Variants in AHI1 observed in about 807,000 individuals in gnomAD.
AHI1 encodes the protein jouberin.
A neutral mutation model predicts 149.3 loss-of-function variants in AHI1; 123 were observed. The ratio of observed to expected loss-of-function variants is 0.82; its 90% CI spans 0.71 to 0.96. The LOEUF (loss-of-function observed/expected upper bound fraction) is 0.96, where lower values mean the gene tolerates loss of function less well. Ranked by LOEUF, AHI1 falls within the 40% of genes least tolerant of loss-of-function variation. AHI1 has a pLI of 0.00. For missense variants in AHI1, 1,439 were observed against 1,422.7 expected, an observed-to-expected ratio of 1.01 and a Z score of -0.18; for synonymous variants, 475 against 459.8, an observed-to-expected ratio of 1.03 and a Z score of -0.42.
At chr6:135,429,777 TG>T in intron 18 of AHI1, 104 bp downstream of exon 18, 1 of 643,884 alleles carries the variant, frequency 1.6e-6, no homozygotes, top group South Asian at 2.4e-5. Flanking sequence ...TTGGTGAGTG[TG>T]GGGACACTGC....
chr6:135,288,966 T>A (rs1419284230), intron 28 of AHI1, among the ~76,000 whole-genome samples: 4 of 152,054 alleles, frequency 2.6e-5, no homozygotes, highest in Non-Finnish European at 5.9e-5. Context: ...TAGGTATGTA[T>A]CATAAGTTTG....
At chr6:135,410,825 C>T (rs1414126502) in intron 21 of AHI1, among the ~76,000 whole-genome samples, 1 of 152,162 alleles carries the variant, frequency 6.6e-6, no homozygotes, top group Non-Finnish European at 1.5e-5. Context: ...TTAAGATACG[C>T]TTTGCCTTTA....
intron 22 of AHI1, among the ~76,000 whole-genome samples, chr6:135,403,453 G>A (rs1780304203): frequency 6.6e-6 from 1 of 152,018 alleles, no homozygotes; most frequent in African/African-American, 2.4e-5. Flanking sequence ...AAATACTAGG[G>A]ATATGAAGAT....
chr6:135,406,102 C>G (rs1040224854), intron 21 of AHI1, among the ~76,000 whole-genome samples: 6 of 152,166 alleles, frequency 3.9e-5, no homozygotes, highest in Admixed American at 2.0e-4. Flanking sequence ...TATCAGCATA[C>G]TTGACTGCAT....
intron 26 of AHI1, among the ~76,000 whole-genome samples, chr6:135,307,452 T>C (rs962308363): frequency 5.9e-5 from 9 of 152,130 alleles, no homozygotes; most frequent in African/African-American, 2.2e-4. Context: ...ATTTTATATA[T>C]ACTCATCACT....
intron 26 of AHI1, among the ~76,000 whole-genome samples, chr6:135,303,327 C>T (rs1176965350): frequency 6.6e-6 from 1 of 152,144 alleles, no homozygotes. Flanking sequence ...TTAAATAAGG[C>T]AAATTTATGA....
At chr6:135,329,969 A>T (rs899762810) in intron 24 of AHI1, among the ~76,000 whole-genome samples, 1 of 152,240 alleles carries the variant, frequency 6.6e-6, no homozygotes, top group Non-Finnish European at 1.5e-5. Context: ...GTGGAGCCTG[A>T]ACACGTGACT....
chr6:135,348,432 G>C (rs748735272), intron 24 of AHI1, among the ~76,000 whole-genome samples: 2 of 151,778 alleles, frequency 1.3e-5, no homozygotes, highest in Non-Finnish European at 2.9e-5. Context: ...TTTCCTTTTG[G>C]TAAAGGAAAA....
intron 24 of AHI1, among the ~76,000 whole-genome samples, chr6:135,336,551 T>A (rs953325511): frequency 6.6e-6 from 1 of 152,182 alleles, no homozygotes; most frequent in African/African-American, 2.4e-5. Flanking sequence ...TGAGCTGAGA[T>A]CATGCCACTG....
rs79836989 is a variant in AHI1 at position 135,437,022 on chromosome 6, T to A, written c.2036+1353A>T. Among the ~76,000 whole-genome samples, 1,433 of 152,330 alleles carry A rather than the reference T, an allele frequency of 9.4e-3. 21 individuals carry two copies. Among genetic ancestry groups the A allele is most frequent in the Non-Finnish European group, 0.015 (999 of 68,030 alleles). On this transcript the variant is annotated intron_variant, in intron 15 of 28. Transcript: ENST00000265602. ...ATGAAAAGTACAGGTCAAATAGCCT[T>A]TAAAACGTCAGTCACGTGCCTCTTT...
At chr6:135,420,499 T>G (rs1379272102) in intron 20 of AHI1, among the ~76,000 whole-genome samples, 3 of 152,196 alleles carry the variant, frequency 2.0e-5, no homozygotes, top group African/African-American at 7.2e-5. Context: ...TGATCTCAGC[T>G]AGATCTTCTG....
At chr6:135,324,650 C>T (rs1002544411) in intron 24 of AHI1, among the ~76,000 whole-genome samples, 4 of 151,720 alleles carry the variant, frequency 2.6e-5, no homozygotes, top group East Asian at 1.9e-4. Context: ...GGTGGGAACC[C>T]GGCATTAGAC....
intron 5 of AHI1, among the ~76,000 whole-genome samples, chr6:135,487,830 G>A (rs1052821381): frequency 1.3e-5 from 2 of 151,946 alleles, no homozygotes; most frequent in Non-Finnish European, 1.5e-5. Context: ...AAGATCTTAA[G>A]ATGTTCTATT....
intron 28 of AHI1, among the ~76,000 whole-genome samples, chr6:135,289,933 C>A (rs1307578654): frequency 6.6e-6 from 1 of 151,938 alleles, no homozygotes; most frequent in African/African-American, 2.4e-5. Context: ...CACATTTTCC[C>A]ACTGGCGTAT....
At chr6:135,436,893 C>T (rs536432188) in intron 15 of AHI1, among the ~76,000 whole-genome samples, 3 of 152,242 alleles carry the variant, frequency 2.0e-5, no homozygotes, top group African/African-American at 7.2e-5. Context: ...TAAGCCACTG[C>T]GCCCGGCCCA....
intron 23 of AHI1, among the ~76,000 whole-genome samples, chr6:135,384,443 T>C (rs1332926063): frequency 6.6e-6 from 1 of 152,188 alleles, no homozygotes; most frequent in Non-Finnish European, 1.5e-5. Flanking sequence ...AGTCACAGCA[T>C]TAAGCAACAG....
At chr6:135,379,191 A>G (rs146826436) in intron 23 of AHI1, among the ~76,000 whole-genome samples, 10 of 152,346 alleles carry the variant, frequency 6.6e-5, no homozygotes, top group Admixed American at 5.2e-4. Context: ...TAATATATCT[A>G]AAATACAATT....
intron 26 of AHI1, among the ~76,000 whole-genome samples, chr6:135,307,926 C>T (rs1290212624): frequency 2.0e-5 from 3 of 152,038 alleles, no homozygotes; most frequent in South Asian, 2.1e-4. Flanking sequence ...TGTTATAATG[C>T]ACAGCATATT....
chr6:135,489,126 C>T (rs1794890943), intron 5 of AHI1, among the ~76,000 whole-genome samples: 1 of 152,186 alleles, frequency 6.6e-6, no homozygotes, highest in Non-Finnish European at 1.5e-5. Context: ...ATTTTGTTCT[C>T]CTCTAAGTCC....
Sources: gnomAD v4.1 joint callset for allele counts (sites outside exome capture counted in the v4.1 genomes callset) on GRCh38, gnomAD v4.1.1 for gene constraint, MANE v1.5 for transcripts, NCBI Gene and HGNC (gene_info 2026-07-23, HGNC 2026-07-21) for gene names.